The following PRKAG2 variants were observed in gnomAD, a reference collection of about 807,000 sequenced individuals.
PRKAG2 encodes the protein protein kinase AMP-activated non-catalytic subunit gamma 2, also known as 5'-AMP-activated protein kinase subunit gamma-2.
In PRKAG2, 26 loss-of-function variants were observed where a neutral mutation model predicts 69.6. That is an observed-to-expected ratio of 0.37 (90% CI 0.27 to 0.52). The LOEUF is 0.52. Among genes scored for constraint, PRKAG2 ranks in the 20% least tolerant of loss-of-function variants. The pLI, the probability that PRKAG2 is intolerant of heterozygous loss-of-function variation, is 0.90. For missense variants in PRKAG2, 557 were observed against 740.0 expected, an observed-to-expected ratio of 0.75 and a Z score of 2.87; for synonymous variants, 293 against 285.0, an observed-to-expected ratio of 1.03 and a Z score of -0.28.
intron 3 of PRKAG2, among the ~76,000 whole-genome samples, chr7:151,763,585 G>GA (rs1193121004): frequency 6.6e-6 from 1 of 152,226 alleles, no homozygotes; most frequent in Non-Finnish European, 1.5e-5. Context: ...CCTGGCTACT[G>GA]AAGCTGCTCT....
chr7:151,570,354 T>C (rs1807255618), intron 9 of PRKAG2, 129 bp from the exon 10 acceptor site: 7 of 1,058,844 alleles, frequency 6.6e-6, no homozygotes, highest in Middle Eastern at 2.9e-4. Flanking sequence ...AAAAGAAATT[T>C]AATTTGCCTA....
At chr7:151,790,740 C>G (rs953404867) in intron 1 of PRKAG2, 9 of 152,264 alleles carry the variant, frequency 5.9e-5, no homozygotes, top group African/African-American at 2.2e-4. Context: ...GTTTCAAATT[C>G]TCATTACCCT....
chr7:151,876,029 C>G (rs559785900), intron 1 of PRKAG2, among the ~76,000 whole-genome samples: 8 of 150,732 alleles, frequency 5.3e-5, no homozygotes, highest in Admixed American at 4.6e-4. Context: ...TACACAGCTC[C>G]CCCCAACCCC....
At chr7:151,636,384 G>T (rs1412715984) in intron 4 of PRKAG2, among the ~76,000 whole-genome samples, 1 of 152,112 alleles carries the variant, frequency 6.6e-6, no homozygotes, top group African/African-American at 2.4e-5. Flanking sequence ...CCGATGCTGG[G>T]TATTTCTCAT....
chr7:151,619,273 G>A (rs1820905730), intron 5 of PRKAG2, among the ~76,000 whole-genome samples: 1 of 152,214 alleles, frequency 6.6e-6, no homozygotes, highest in African/African-American at 2.4e-5. Context: ...TGATGGCCAA[G>A]GAGAGCTCAC....
At chr7:151,643,094 C>T (rs1827012091) in intron 4 of PRKAG2, among the ~76,000 whole-genome samples, 1 of 152,154 alleles carries the variant, frequency 6.6e-6, no homozygotes, top group African/African-American at 2.4e-5. Flanking sequence ...CATCTCTTGC[C>T]TTTCACAAAT....
chr7:151,740,232 G>C (rs968537427), intron 3 of PRKAG2, among the ~76,000 whole-genome samples: 3 of 152,348 alleles, frequency 2.0e-5, no homozygotes, highest in African/African-American at 7.2e-5. Context: ...GCAGACGCCC[G>C]AAGGAGGGAG....
chr7:151,589,342 A>G (rs1200170843), intron 6 of PRKAG2, among the ~76,000 whole-genome samples: 1 of 152,116 alleles, frequency 6.6e-6, no homozygotes, highest in Non-Finnish European at 1.5e-5. Flanking sequence ...CTCCTCCACG[A>G]CACTGTGGAG....
At chr7:151,595,050 G>A (rs1218820026) in intron 6 of PRKAG2, among the ~76,000 whole-genome samples, 5 of 152,004 alleles carry the variant, frequency 3.3e-5, no homozygotes, top group Admixed American at 2.0e-4. Context: ...TGCCAGCCTC[G>A]GCCTCCCAAA....
In PRKAG2 at chr7:151,856,339, G is replaced by A. The variant is rs989548436; in HGVS notation, c.114+20168C>T. On this transcript the variant is annotated intron_variant, in intron 1 of 15. Transcript: ENST00000287878. ...CGATCTTTCCAAGGCCCGCGCAGCC[G>A]AGGACGCAAGCACAGGTGCCACGAG... 4.6e-5 allele frequency among the ~76,000 whole-genome samples: 7 copies of A among 152,374 alleles called. No individual in the cohort carries two copies. In the South Asian group the frequency reaches 6.2e-4, roughly 14 times the overall value.
chr7:151,628,605 G>A (rs936008411), intron 5 of PRKAG2, among the ~76,000 whole-genome samples: 4 of 152,044 alleles, frequency 2.6e-5, no homozygotes, highest in African/African-American at 9.7e-5. Flanking sequence ...CCAGCTACTT[G>A]GGAGGCGGAA....
intron 3 of PRKAG2, among the ~76,000 whole-genome samples, chr7:151,773,952 C>T (rs924287586): frequency 6.6e-6 from 1 of 152,162 alleles, no homozygotes; most frequent in Non-Finnish European, 1.5e-5. Context: ...AGGAGAGGAA[C>T]ACACAGATGG....
At chr7:151,872,081 G>A (rs574757156) in intron 1 of PRKAG2, among the ~76,000 whole-genome samples, 19 of 152,302 alleles carry the variant, frequency 1.2e-4, no homozygotes, top group South Asian at 1.0e-3. Flanking sequence ...CCCCATGGAC[G>A]TGCTGCCCTC....
intron 3 of PRKAG2, among the ~76,000 whole-genome samples, chr7:151,776,184 G>C (rs1374110293): frequency 1.3e-5 from 2 of 152,136 alleles, no homozygotes; most frequent in Non-Finnish European, 2.9e-5. Context: ...ATTGCCCTGG[G>C]GACCAGGCTT....
chr7:151,617,052 G>C (rs979268762), intron 5 of PRKAG2, among the ~76,000 whole-genome samples: 4 of 152,002 alleles, frequency 2.6e-5, no homozygotes, highest in African/African-American at 9.7e-5. Context: ...CTGAGGTCAA[G>C]AGTACAAGAC....
rs76964253 is a variant in PRKAG2, at chr7:151,803,416, C to G, written c.115-16875G>C. 3.6e-3 allele frequency among the ~76,000 whole-genome samples: 551 copies of G among 152,270 alleles called. 1 individual carries two copies. The highest frequency in any genetic ancestry group is 7.3e-3 in the Admixed American group (112 of 15,300). On this transcript the variant is annotated intron_variant, in intron 1 of 15. Transcript: ENST00000287878. ...GAAATTTTCTCCCTTCAAAGGGAGG[C>G]TTGTTACAAAATTTGAGCAGCAGTG...
At position 151,780,659 on chromosome 7, in the gene PRKAG2, C is replaced by G. The variant is rs992126154; in HGVS notation, c.466+493G>C. On this transcript the variant is annotated intron_variant, in intron 3 of 15. Coordinates refer to ENST00000287878, the MANE Select transcript of PRKAG2 (RefSeq NM_016203.4). The surrounding 1 kb of genome is among the most constrained non-coding windows in gnomAD (Gnocchi z 4.2). The stretch of plus-strand genomic sequence containing the variant: ...CCTCCTAGCTTCCATTCCCTGCTGC[C>G]CAGAGCCCCAAACAGAAAAAGTTAG... Among the ~76,000 whole-genome samples the G allele has an allele frequency of 2.0e-5, 3 of 152,176 alleles. No homozygotes were observed. The highest frequency in any genetic ancestry group is 7.2e-5 in the African/African-American group (3 of 41,434).
chr7:151,846,073 T>A (rs2079425131), intron 1 of PRKAG2, among the ~76,000 whole-genome samples: 2 of 152,226 alleles, frequency 1.3e-5, no homozygotes, highest in Admixed American at 1.3e-4. Flanking sequence ...ACTTGCGGTG[T>A]GTGAGCTGAC....
At chr7:151,559,290 C>T (rs552739507) in intron 15 of PRKAG2, 4 of 982,336 alleles carry the variant, frequency 4.1e-6, no homozygotes, top group Admixed American at 1.2e-4. Context: ...ATCCATTCTT[C>T]TTTTCAAAGA....
Sources: gnomAD v4.1 joint callset for allele counts (sites outside exome capture counted in the v4.1 genomes callset) on GRCh38, gnomAD v4.1.1 for gene constraint, Gnocchi (gnomAD v3.1) non-coding constraint, MANE v1.5 for transcripts, NCBI Gene and HGNC (gene_info 2026-07-23, HGNC 2026-07-21) for gene names.